Variants in BBX observed in about 807,000 individuals in gnomAD.
BBX encodes the protein BBX high mobility group box domain containing.
A neutral mutation model predicts 100.2 loss-of-function variants in BBX; 30 were observed. The ratio of observed to expected loss-of-function variants is 0.30; its 90% CI spans 0.22 to 0.41. The LOEUF (loss-of-function observed/expected upper bound fraction) is 0.41. BBX is among the 10% of genes least tolerant of loss of function. BBX has a pLI of 1.00. For synonymous variants in BBX, 376 were observed against 388.1 expected, an observed-to-expected ratio of 0.97 and a Z score of 0.37; for missense variants, 1,023 against 1,129.8, an observed-to-expected ratio of 0.91 and a Z score of 1.35.
At chr3:107,732,750 G>C (rs1189068671) in intron 6 of BBX, among the ~76,000 whole-genome samples, 1 of 152,180 alleles carries the variant, frequency 6.6e-6, no homozygotes, top group Non-Finnish European at 1.5e-5. Flanking sequence ...GACAAGAGTG[G>C]TATTCAAGAG....
chr3:107,719,274 T>A (rs990056740), intron 5 of BBX, among the ~76,000 whole-genome samples: 4 of 152,022 alleles, frequency 2.6e-5, no homozygotes, highest in African/African-American at 9.7e-5. Flanking sequence ...ACAGATTCTT[T>A]CAGCATAGTG....
chr3:107,666,068 A>G (rs1401711695), intron 3 of BBX, among the ~76,000 whole-genome samples: 3 of 152,202 alleles, frequency 2.0e-5, no homozygotes, highest in African/African-American at 7.2e-5. Context: ...CCAGATTCTC[A>G]CGTGACTAAT....
At chr3:107,667,000 G>C (rs906388370) in intron 3 of BBX, among the ~76,000 whole-genome samples, 2 of 152,228 alleles carry the variant, frequency 1.3e-5, no homozygotes, top group African/African-American at 4.8e-5. Flanking sequence ...CTATCTGTGA[G>C]AATTCACCCC....
At chr3:107,551,999 A>G (rs1007904214) in intron 2 of BBX, among the ~76,000 whole-genome samples, 3 of 152,102 alleles carry the variant, frequency 2.0e-5, no homozygotes, top group African/African-American at 4.8e-5. Context: ...TCCCCAATAA[A>G]TAATTGCTGG....
chr3:107,565,838 T>G (rs2107495923), intron 2 of BBX, among the ~76,000 whole-genome samples: 1 of 152,166 alleles, frequency 6.6e-6, no homozygotes, highest in East Asian at 1.9e-4. Context: ...GGAAGTTCTT[T>G]TCTTTTCTTA....
intron 3 of BBX, among the ~76,000 whole-genome samples, chr3:107,702,744 G>A (rs955010007): frequency 2.6e-5 from 4 of 152,188 alleles, no homozygotes; most frequent in African/African-American, 9.7e-5. Flanking sequence ...GTGTTGCAGT[G>A]ATCAAAAAAG....
At chr3:107,711,739 A>T (rs1576455814) in intron 4 of BBX, among the ~76,000 whole-genome samples, 1 of 152,204 alleles carries the variant, frequency 6.6e-6, no homozygotes, top group African/African-American at 2.4e-5. Flanking sequence ...TCAAGCTTGT[A>T]CTTAATTTCA....
intron 2 of BBX, among the ~76,000 whole-genome samples, chr3:107,611,911 CT>C (rs1391854715): frequency 2.6e-5 from 4 of 151,828 alleles, no homozygotes; most frequent in Admixed American, 6.6e-5. Context: ...ATGCTTTATT[CT>C]TTTTTTCTTT....
Position 107,773,743 on chromosome 3 carries a change from T to G in BBX, c.1915+107T>G. The G allele has an allele frequency of 1.1e-6, 1 of 948,216 alleles. No homozygotes were observed. The highest frequency in any genetic ancestry group is 1.5e-6 in the Non-Finnish European group (1 of 646,416). The allele number at this position is 948,216 out of a possible 1,614,324, so 58.7% of individuals were successfully genotyped here. On this transcript the variant is annotated intron_variant, in intron 11 of 17. Coordinates refer to ENST00000325805, the MANE Select transcript of BBX (RefSeq NM_001142568.3). This position sits in a 1 kb window ranked among gnomAD's most constrained non-coding sequence, Gnocchi z 4.1. The stretch of plus-strand genomic sequence containing the variant: ...AAAAAACAATATGGTATCAAAATAA[T>G]ACCTTACATTTGTATATTTCTTTAT...
intron 4 of BBX, among the ~76,000 whole-genome samples, chr3:107,712,717 A>G (rs1259936872): frequency 7.9e-5 from 12 of 152,042 alleles, no homozygotes; most frequent in Admixed American, 4.6e-4. Flanking sequence ...ATTCTCAACA[A>G]AGCAGCCAGA....
intron 2 of BBX, among the ~76,000 whole-genome samples, chr3:107,616,588 T>G (rs1022943502): frequency 2.0e-5 from 3 of 152,182 alleles, no homozygotes; most frequent in Non-Finnish European, 2.9e-5. Context: ...TTTAAACAAC[T>G]TAAGCTGTTT....
chr3:107,762,793 A>G (rs924850894), intron 10 of BBX, among the ~76,000 whole-genome samples: 3 of 152,304 alleles, frequency 2.0e-5, no homozygotes, highest in Middle Eastern at 3.4e-3. Flanking sequence ...GAGAAATTAT[A>G]TGGTGCATTT....
rs1180924289 is a variant in BBX at position 107,772,871 on chromosome 3, A to G, written c.1150A>G (p.Ile384Val). ...ATTGCAAATAGATGACATAATGGCT[A>G]TAAAAATGGAAGATCCCAAAGAAAT... Reference protein sequence around the residue: ...EALQIDDIMAIKMEDPKEIRK... With the variant: ...EALQIDDIMAVKMEDPKEIRK... Residue 384 changes from isoleucine (I) to valine (V), a missense_variant, in exon 11 of 18, where the codon ATA (isoleucine) becomes GTA (valine). Around this residue, in one of 9 missense-constraint regions of BBX, gnomAD observed 348 missense variants for 353.2 expected, o/e 0.99. Coordinates refer to ENST00000325805, the MANE Select transcript of BBX (RefSeq NM_001142568.3). 4 of 1,612,990 alleles carry G rather than the reference A, an allele frequency of 2.5e-6. No homozygotes were observed. Among genetic ancestry groups the G allele is most frequent in the Admixed American group, 1.7e-5 (1 of 59,828 alleles).
intron 2 of BBX, among the ~76,000 whole-genome samples, chr3:107,643,332 G>T (rs961022633): frequency 6.6e-6 from 1 of 152,130 alleles, no homozygotes; most frequent in African/African-American, 2.4e-5. Flanking sequence ...TTAATAGATG[G>T]CTGTCCCACC....
At chr3:107,797,955 C>G (rs72943044) in intron 15 of BBX, among the ~76,000 whole-genome samples, 1 of 152,146 alleles carries the variant, frequency 6.6e-6, no homozygotes, top group African/African-American at 2.4e-5. Context: ...CTTTCCTTGG[C>G]GTGCTGGCTT....
chr3:107,596,225 A>G (rs993778435), intron 2 of BBX, among the ~76,000 whole-genome samples: 1 of 151,988 alleles, frequency 6.6e-6, no homozygotes, highest in Non-Finnish European at 1.5e-5. Flanking sequence ...GCTGATTTCC[A>G]TGCCTACTGC....
intron 10 of BBX, among the ~76,000 whole-genome samples, chr3:107,772,065 G>GT (rs764139652): frequency 1.3e-5 from 2 of 149,882 alleles, no homozygotes; most frequent in Non-Finnish European, 3.0e-5. Flanking sequence ...TTCTCAACCA[G>GT]TAAGTATATA....
chr3:107,773,679 C>T lies in BBX; in HGVS notation c.1915+43C>T. On this transcript the variant is annotated intron_variant, in intron 11 of 17. Coordinates refer to ENST00000325805, the MANE Select transcript of BBX (RefSeq NM_001142568.3). The surrounding 1 kb of genome is among the most constrained non-coding windows in gnomAD (Gnocchi z 4.1). Reference sequence around the variant, plus strand: ...ACCTGAAAAGAATTCAAAAACCAAACAGAATTTCACCTTTAGACCTATTGA... The same window carrying T: ...ACCTGAAAAGAATTCAAAAACCAAATAGAATTTCACCTTTAGACCTATTGA... 1.3e-6 allele frequency: 2 copies of T among 1,536,482 alleles called. No individual in the cohort carries two copies. Among genetic ancestry groups the T allele is most frequent in the East Asian group, 2.3e-5 (1 of 44,414 alleles).
At chr3:107,586,514 C>T (rs1337226299) in intron 2 of BBX, among the ~76,000 whole-genome samples, 1 of 152,038 alleles carries the variant, frequency 6.6e-6, no homozygotes, top group Non-Finnish European at 1.5e-5. Context: ...TTCTTGGTTG[C>T]CTAATTTGAT....
Sources: allele counts gnomAD v4.1 joint callset (sites outside exome capture counted in the v4.1 genomes callset), GRCh38; gene constraint gnomAD v4.1.1; regional missense constraint gnomAD v4.1.1; non-coding constraint Gnocchi (gnomAD v3.1); transcripts MANE v1.5; gene names NCBI Gene and HGNC (gene_info 2026-07-23, HGNC 2026-07-21).